Variants in PRICKLE1 observed in about 807,000 individuals in gnomAD.
PRICKLE1 encodes the protein prickle-like protein 1.
PRICKLE1 carries 14 observed loss-of-function variants against 70.2 expected under a neutral mutation model. That is an observed-to-expected ratio of 0.20 (90% CI 0.13 to 0.31). The LOEUF (loss-of-function observed/expected upper bound fraction) is 0.31. Among genes scored for constraint, PRICKLE1 ranks in the 10% least tolerant of loss-of-function variants. PRICKLE1 has a pLI of 1.00. For synonymous variants in PRICKLE1, 357 were observed against 379.9 expected, an observed-to-expected ratio of 0.94 and a Z score of 0.70; for missense variants, 821 against 1,026.2, an observed-to-expected ratio of 0.80 and a Z score of 2.73.
rs191953496 is a variant in PRICKLE1, at chr12:42,503,529, C to T, written c.-48-30965G>A. ...TAACTACTGAGAAAAGAACACAGAC[C>T]TTACAGAATGATCATGAGAGATGGT... On this transcript the variant is annotated intron_variant, in intron 1 of 7. Coordinates refer to ENST00000345127, the MANE Select transcript of PRICKLE1 (RefSeq NM_153026.3). Among the ~76,000 whole-genome samples the T allele has an allele frequency of 6.6e-5, 10 of 152,170 alleles. No individual in the cohort carries two copies. The East Asian group carries it at 1.9e-3, about 29-fold the overall frequency.
At chr12:42,505,002 TGG>T (rs1280348473) in intron 1 of PRICKLE1, among the ~76,000 whole-genome samples, 1 of 152,060 alleles carries the variant, frequency 6.6e-6, no homozygotes, top group Admixed American at 6.6e-5. Flanking sequence ...TAGCCGAGCG[TGG>T]TGGCGGGCAC....
In PRICKLE1 at chr12:42,472,467, T is replaced by G. The variant is rs771838146; in HGVS notation, c.50A>C (p.Gln17Pro). 8.7e-6 allele frequency: 14 copies of G among 1,614,076 alleles called. No individual in the cohort carries two copies. The East Asian group carries it at 3.1e-4, about 36-fold the overall frequency. Reference protein sequence around the residue: ...PKMSKLAFGCQRSSTSDDDSG... With the variant: ...PKMSKLAFGCPRSSTSDDDSG... ...GTCATCATCTGATGTGGAACTTCTC[T>G]GACAGCCAAAGGCCAGTTTGCTCAT... The change falls in exon 2 of 8, where the codon CAG becomes CCG. Residue 17 changes from glutamine (Q) to proline (P), a missense_variant. By Grantham distance (76) the Gln-to-Pro change is moderately conservative. Coordinates refer to ENST00000345127, the MANE Select transcript of PRICKLE1 (RefSeq NM_153026.3).
chr12:42,581,893 C>T (rs976174679), intron 1 of PRICKLE1, among the ~76,000 whole-genome samples: 4 of 152,110 alleles, frequency 2.6e-5, no homozygotes, highest in African/African-American at 9.7e-5. Flanking sequence ...TTAAAACGCT[C>T]TCACACAAAA....
chr12:42,520,563 T>A (rs1939692644), intron 1 of PRICKLE1, among the ~76,000 whole-genome samples: 1 of 152,212 alleles, frequency 6.6e-6, no homozygotes, highest in Non-Finnish European at 1.5e-5. Context: ...GGAGTTACTG[T>A]GAACAAGCTC....
chr12:42,531,330 G>A (rs529758151), intron 1 of PRICKLE1, among the ~76,000 whole-genome samples: 2 of 152,290 alleles, frequency 1.3e-5, no homozygotes, highest in East Asian at 1.9e-4. Context: ...ACAGGCGTGA[G>A]CCACCGCGCC....
intron 1 of PRICKLE1, among the ~76,000 whole-genome samples, chr12:42,578,597 T>C (rs1592043516): frequency 6.6e-6 from 1 of 151,272 alleles, no homozygotes; most frequent in Non-Finnish European, 1.5e-5. Context: ...TTTATTTAGA[T>C]AAAAGGGTAA....
Position 42,515,513 on chromosome 12 carries a change from G to A in PRICKLE1, c.-48-42949C>T, listed in dbSNP as rs113078018. Among the ~76,000 whole-genome samples, 793 of 152,270 alleles carry A rather than the reference G, an allele frequency of 5.2e-3. 9 individuals are homozygous for A. The highest frequency in any genetic ancestry group is 0.019 in the African/African-American group (769 of 41,556). On this transcript the variant is annotated intron_variant, in intron 1 of 7. Coordinates refer to ENST00000345127, the MANE Select transcript of PRICKLE1 (RefSeq NM_153026.3). ...TCCCAAAGTGCTGGGGATTACAGAC[G>A]TGAGCCACCGTGCCCAGCCCCTAAG... is the stretch of plus-strand genomic sequence containing the variant.
chr12:42,587,847 C>T (rs767698747), intron 1 of PRICKLE1, among the ~76,000 whole-genome samples: 4 of 152,206 alleles, frequency 2.6e-5, no homozygotes, highest in Non-Finnish European at 5.9e-5. Context: ...ACAAATACTG[C>T]GTCATCCTTA....
chr12:42,531,350 C>T (rs1939915613), intron 1 of PRICKLE1, among the ~76,000 whole-genome samples: 1 of 152,120 alleles, frequency 6.6e-6, no homozygotes, highest in African/African-American at 2.4e-5. Context: ...CTGGCCAAGG[C>T]TTTGTTTTTA....
chr12:42,588,853 T>C (rs914390750), intron 1 of PRICKLE1, among the ~76,000 whole-genome samples: 1 of 152,226 alleles, frequency 6.6e-6, no homozygotes, highest in Non-Finnish European at 1.5e-5. Context: ...GTCCCGCTCC[T>C]AATAACTATT....
chr12:42,588,868 T>C (rs1941027687), intron 1 of PRICKLE1, among the ~76,000 whole-genome samples: 2 of 152,196 alleles, frequency 1.3e-5, no homozygotes, highest in African/African-American at 4.8e-5. Flanking sequence ...ACTATTAACA[T>C]GCCTAGTTTC....
intron 1 of PRICKLE1, among the ~76,000 whole-genome samples, chr12:42,496,131 C>A (rs1230953456): frequency 6.6e-6 from 1 of 152,178 alleles, no homozygotes; most frequent in Non-Finnish European, 1.5e-5. Flanking sequence ...AAGATGAAAC[C>A]ATCCATGATT....
intron 1 of PRICKLE1, among the ~76,000 whole-genome samples, chr12:42,569,506 A>G (rs1940673788): frequency 6.6e-6 from 1 of 152,198 alleles, no homozygotes; most frequent in East Asian, 1.9e-4. Flanking sequence ...AGTCGGTTTA[A>G]GCATATTCTA....
rs750059541 is a variant in PRICKLE1 at position 42,470,303 on chromosome 12, G to A, written c.189C>T (p.Pro63=). ...GCTGTTTAATCCGATGCTTCTCTCC[G>A]GGGCTGTTAACGTAAGGAACTTTTT... ...PEEKVPYVNS[P]GEKHRIKQLL... is the part of the protein sequence containing the mutation. Residue 63 remains proline (P), a synonymous_variant, in exon 3 of 8, where the codon CCC becomes CCT. Transcript: ENST00000345127. The A allele has an allele frequency of 2.5e-5, 41 of 1,613,854 alleles. No individual in the cohort carries two copies. The highest frequency in any genetic ancestry group is 1.2e-4 in the African/African-American group (9 of 74,874).
chr12:42,577,917 CT>C (rs1180234780), intron 1 of PRICKLE1, among the ~76,000 whole-genome samples: 1 of 152,040 alleles, frequency 6.6e-6, no homozygotes, highest in African/African-American at 2.4e-5. Context: ...GCAAACATTC[CT>C]TTATTTAGGA....
chr12:42,529,876 G>GT (rs777809455), intron 1 of PRICKLE1, among the ~76,000 whole-genome samples: 5 of 151,720 alleles, frequency 3.3e-5, no homozygotes, highest in Admixed American at 2.6e-4. Flanking sequence ...GGACAACAGA[G>GT]TGAGACCTTA....
At chr12:42,582,495 A>G (rs1238781835) in intron 1 of PRICKLE1, among the ~76,000 whole-genome samples, 1 of 152,254 alleles carries the variant, frequency 6.6e-6, no homozygotes, top group Non-Finnish European at 1.5e-5. Context: ...AAAATTATGT[A>G]ACATGCATAT....
At chr12:42,462,333 T>C (rs1260964497) in intron 7 of PRICKLE1, among the ~76,000 whole-genome samples, 1 of 152,110 alleles carries the variant, frequency 6.6e-6, no homozygotes, top group Non-Finnish European at 1.5e-5. Flanking sequence ...CCCGAGTAGC[T>C]GAAATTACAG....
At chr12:42,498,411 C>T (rs1939248125) in intron 1 of PRICKLE1, among the ~76,000 whole-genome samples, 1 of 150,428 alleles carries the variant, frequency 6.6e-6, no homozygotes, top group African/African-American at 2.5e-5. Flanking sequence ...TGGCCTCAAG[C>T]CATCCTCCCA....
Sources: gnomAD v4.1 joint callset for allele counts (sites outside exome capture counted in the v4.1 genomes callset) on GRCh38, gnomAD v4.1.1 for gene constraint, MANE v1.5 for transcripts, NCBI Gene and HGNC (gene_info 2026-07-23, HGNC 2026-07-21) for gene names.